Variants in NCOA6 observed in about 807,000 individuals in gnomAD.
NCOA6 encodes NRC RAP250.
A neutral mutation model predicts 171.4 loss-of-function variants in NCOA6; 49 were observed. That is an observed-to-expected ratio of 0.29 (90% CI 0.23 to 0.36). The LOEUF is 0.36. NCOA6 is among the 10% of genes least tolerant of loss of function. The pLI, the probability that NCOA6 is intolerant of heterozygous loss-of-function variation, is 1.00. For synonymous variants in NCOA6, 910 were observed against 927.5 expected (o/e 0.98, Z 0.34); for missense variants, 2,248 against 2,554.5 (o/e 0.88, Z 2.59).
intron 4 of NCOA6, among the ~76,000 whole-genome samples, chr20:34,773,189 T>C (rs1372960666): frequency 1.3e-5 from 2 of 152,160 alleles, no homozygotes; most frequent in African/African-American, 4.8e-5. Context: ...ACTTGTTGAG[T>C]TGAGATCTTA....
chr20:34,772,609 G>A (rs1373640085), intron 4 of NCOA6, among the ~76,000 whole-genome samples: 1 of 152,048 alleles, frequency 6.6e-6, no homozygotes, highest in Non-Finnish European at 1.5e-5. Context: ...ACTGGTGGAG[G>A]CAAAATGCCA....
At chr20:34,780,181 C>G (rs983168373) in intron 3 of NCOA6, among the ~76,000 whole-genome samples, 3 of 152,172 alleles carry the variant, frequency 2.0e-5, no homozygotes, top group African/African-American at 7.2e-5. Context: ...ACACAAACAT[C>G]AAATTTGCTT....
At chr20:34,722,797 C>A (rs1413186234) in intron 14 of NCOA6, among the ~76,000 whole-genome samples, 1 of 150,042 alleles carries the variant, frequency 6.7e-6, no homozygotes, top group East Asian at 1.9e-4. Flanking sequence ...ACCAGCCTGG[C>A]CAACATGGTG....
In NCOA6 at chr20:34,732,614, G is replaced by T. The variant is rs764499849; in HGVS notation, c.5963-19C>A. On this transcript the variant is annotated intron_variant, in intron 12 of 14. Transcript: ENST00000359003. ...TCCAGCTCTGCAAAAAAATATAAAG[G>T]ATAGAAATGAAATGTGGGAGCTGCC... 2.5e-6 allele frequency: 4 copies of T among 1,610,234 alleles called. No homozygotes were observed. In the African/African-American group the frequency reaches 5.3e-5, roughly 21 times the overall value.
At chr20:34,765,374 G>A (rs1175237695) in intron 5 of NCOA6, among the ~76,000 whole-genome samples, 4 of 149,678 alleles carry the variant, frequency 2.7e-5, no homozygotes, top group South Asian at 4.2e-4. Context: ...GGCAGAGCTT[G>A]CAGTGAGCCG....
intron 5 of NCOA6, among the ~76,000 whole-genome samples, chr20:34,765,988 G>A (rs1286039439): frequency 6.6e-6 from 1 of 152,114 alleles, no homozygotes; most frequent in Admixed American, 6.5e-5. Flanking sequence ...TAGATACACA[G>A]TTCTAAAGTT....
At chr20:34,731,271 C>T (rs535900910) in intron 13 of NCOA6, among the ~76,000 whole-genome samples, 8 of 152,252 alleles carry the variant, frequency 5.3e-5, no homozygotes, top group South Asian at 2.1e-4. Context: ...CTGCCTGCCT[C>T]GGCCTCCCAA....
In NCOA6 at chr20:34,740,854, G is replaced by A; in HGVS notation, c.5402C>T (p.Pro1801Leu). 1 of 1,614,196 alleles carries A rather than the reference G, an allele frequency of 6.2e-7. No homozygotes were observed. Among genetic ancestry groups the A allele is most frequent in the Non-Finnish European group, 8.5e-7 (1 of 1,180,040 alleles). The stretch of plus-strand genomic sequence containing the variant: ...GCTTCGCCGGTTGCCAGAGGACCCT[G>A]GACTATTGGTCAAAAGGGGAGAAAC... ...TMVSPLLTNS[P>L]GSSGNRRSPV... Residue 1801 changes from proline to leucine, a missense_variant, in exon 11 of 15, where the codon CCA becomes CTA. Pro to Leu is a moderately conservative substitution (Grantham distance 98). Coordinates refer to ENST00000359003, the MANE Select transcript of NCOA6 (RefSeq NM_014071.5).
At chr20:34,752,273 TCTC>T (rs2076511935) in intron 8 of NCOA6, among the ~76,000 whole-genome samples, 1 of 152,126 alleles carries the variant, frequency 6.6e-6, no homozygotes, top group African/African-American at 2.4e-5. Context: ...TATCCAGACT[TCTC>T]CTGAACTCTA....
intron 2 of NCOA6, among the ~76,000 whole-genome samples, chr20:34,790,790 C>T (rs1226135737): frequency 6.6e-6 from 1 of 152,094 alleles, no homozygotes; most frequent in Non-Finnish European, 1.5e-5. Context: ...GCTGGGATTA[C>T]AGGCACGCAC....
intron 8 of NCOA6, among the ~76,000 whole-genome samples, chr20:34,751,740 T>TA (rs1157588420): frequency 6.6e-6 from 1 of 152,192 alleles, no homozygotes; most frequent in Non-Finnish European, 1.5e-5. Context: ...ATTTCTAACT[T>TA]AGACAAAAGT....
intron 1 of NCOA6, among the ~76,000 whole-genome samples, chr20:34,817,465 A>G (rs2078879706): frequency 6.6e-6 from 1 of 152,074 alleles, no homozygotes; most frequent in Non-Finnish European, 1.5e-5. Context: ...TAGAGATTGT[A>G]TATCAAATAA....
chr20:34,807,683 T>A (rs2078501402), intron 1 of NCOA6, among the ~76,000 whole-genome samples: 1 of 152,042 alleles, frequency 6.6e-6, no homozygotes, highest in African/African-American at 2.4e-5. Context: ...CTGCCACTAG[T>A]CCTGGCTAAT....
Position 34,749,887 on chromosome 20 carries a change from G to A in NCOA6, c.2308C>T (p.Gln770Ter). 6.2e-7 allele frequency: 1 copy of A among 1,614,262 alleles called. No individual in the cohort carries two copies. Among genetic ancestry groups the A allele is most frequent in the Non-Finnish European group, 8.5e-7 (1 of 1,180,054 alleles). The change falls in exon 9 of 15, where the codon CAA (glutamine) becomes TAA (stop). Residue 770 changes from glutamine to a stop codon, truncating the protein, a stop_gained. Coordinates refer to ENST00000359003, the MANE Select transcript of NCOA6 (RefSeq NM_014071.5). LOFTEE classifies it high-confidence loss of function. ...GQMSGQMLPQ[Q>*]GPVNNSPSQV... ...GATGGACTGTTGTTCACAGGCCCTTGCTGGGGCAGCATCTGTCCTGACATC... is the reference window on the plus strand; with the variant it reads ...GATGGACTGTTGTTCACAGGCCCTTACTGGGGCAGCATCTGTCCTGACATC...
At chr20:34,776,264 C>G (rs1193872348) in intron 4 of NCOA6, 29 bp downstream of exon 4, 2 of 1,608,320 alleles carry the variant, frequency 1.2e-6, no homozygotes, top group African/African-American at 1.3e-5. Context: ...TGATTCTGGT[C>G]TAGATGGGCA....
intron 1 of NCOA6, among the ~76,000 whole-genome samples, chr20:34,808,364 G>A (rs147879232): frequency 6.6e-6 from 1 of 151,496 alleles, no homozygotes; most frequent in African/African-American, 2.4e-5. Context: ...ATATTTATGG[G>A]GGGAAAAAAG....
At chr20:34,761,541 T>C (rs2076818176) in intron 5 of NCOA6, among the ~76,000 whole-genome samples, 1 of 152,180 alleles carries the variant, frequency 6.6e-6, no homozygotes, top group South Asian at 2.1e-4. Flanking sequence ...TATGTGATAT[T>C]AATATTTGGT....
At chr20:34,720,300 A>G (rs1166683097) in intron 14 of NCOA6, among the ~76,000 whole-genome samples, 1 of 152,182 alleles carries the variant, frequency 6.6e-6, no homozygotes, top group Non-Finnish European at 1.5e-5. Context: ...ATCAGGTGCA[A>G]TTTTAAAAAG....
rs1180223843 is a variant in NCOA6, at chr20:34,792,455, T to C, written c.-55A>G. 2 of 397,420 alleles carry C rather than the reference T, an allele frequency of 5.0e-6. No individual in the cohort carries two copies. The highest frequency in any genetic ancestry group is 4.1e-5 in the African/African-American group (2 of 48,456). 24.6% of individuals were successfully genotyped at this position (397,420 alleles called of 1,614,324 possible). ...TCGCATAAGGTTTCACTCACCAAAATCTCTTTCTTAATTTTTATCATTTAT... is the reference window on the plus strand; with the variant it reads ...TCGCATAAGGTTTCACTCACCAAAACCTCTTTCTTAATTTTTATCATTTAT... On this transcript the variant is annotated 5_prime_UTR_variant, in exon 2 of 15. Coordinates refer to ENST00000359003, the MANE Select transcript of NCOA6 (RefSeq NM_014071.5).
Sources: allele counts gnomAD v4.1 joint callset (sites outside exome capture counted in the v4.1 genomes callset), GRCh38; gene constraint gnomAD v4.1.1; transcripts MANE v1.5; gene names NCBI Gene and HGNC (gene_info 2026-07-23, HGNC 2026-07-21).